Variants in KCNIP4 observed in about 807,000 individuals in gnomAD.
KCNIP4 encodes potassium voltage-gated channel interacting protein 4, also known as Kv channel-interacting protein 4.
In KCNIP4, 12 loss-of-function variants were observed where a neutral mutation model predicts 34.0. The ratio of observed to expected loss-of-function variants is 0.35; its 90% CI spans 0.23 to 0.57. The LOEUF is 0.57. Among genes scored for constraint, KCNIP4 ranks in the 20% least tolerant of loss-of-function variants. KCNIP4 has a pLI of 0.83. For synonymous variants in KCNIP4, 124 were observed against 102.2 expected (o/e 1.21, Z -1.29); for missense variants, 238 against 311.7 (o/e 0.76, Z 1.78).
At chr4:20,822,988 C>T (rs1717293031) in intron 3 of KCNIP4, among the ~76,000 whole-genome samples, 1 of 152,082 alleles carries the variant, frequency 6.6e-6, no homozygotes, top group African/African-American at 2.4e-5. Flanking sequence ...CAACAAGGTA[C>T]CTTCTTAAAA....
chr4:20,826,971 C>T (rs1325845991), intron 3 of KCNIP4, among the ~76,000 whole-genome samples: 1 of 152,190 alleles, frequency 6.6e-6, no homozygotes, highest in Non-Finnish European at 1.5e-5. Context: ...ACTTCTTCTT[C>T]CCCTGGAAGC....
chr4:21,816,357 A>C (rs1389895220), intron 1 of KCNIP4, among the ~76,000 whole-genome samples: 8 of 152,178 alleles, frequency 5.3e-5, no homozygotes, highest in Admixed American at 5.2e-4. Flanking sequence ...ACCAAGCTAT[A>C]ATATAACTCA....
At chr4:21,269,405 TTTTA>T (rs1762006120) in intron 1 of KCNIP4, among the ~76,000 whole-genome samples, 1 of 152,126 alleles carries the variant, frequency 6.6e-6, no homozygotes, top group African/African-American at 2.4e-5. Flanking sequence ...TTTTATTTAT[TTTTA>T]TTTATTTATT....
intron 1 of KCNIP4, among the ~76,000 whole-genome samples, chr4:20,920,050 T>A (rs530466210): frequency 6.6e-6 from 1 of 152,342 alleles, no homozygotes; most frequent in African/African-American, 2.4e-5. Context: ...ATAAAAAATT[T>A]AAATTACAGT....
At chr4:20,740,907 G>C (rs1030047516) in intron 5 of KCNIP4, among the ~76,000 whole-genome samples, 12 of 151,864 alleles carry the variant, frequency 7.9e-5, no homozygotes, top group African/African-American at 2.4e-4. Context: ...CAAAAAAAAA[G>C]CAGGGGTTGC....
chr4:21,323,895 T>G (rs1714757911), intron 1 of KCNIP4, among the ~76,000 whole-genome samples: 1 of 152,060 alleles, frequency 6.6e-6, no homozygotes, highest in South Asian at 2.1e-4. Flanking sequence ...TTTCTCCATA[T>G]CCTTGCCAGC....
At position 20,850,454 on chromosome 4, in the gene KCNIP4, T is replaced by C. The variant is rs540271261; in HGVS notation, c.288+89A>G. On this transcript the variant is annotated intron_variant, in intron 3 of 8. Coordinates refer to ENST00000382152, the MANE Select transcript of KCNIP4 (RefSeq NM_025221.6). ...AAATATACATATGATGGGGCTCTCA[T>C]AGAATGGGATATTTTCCCCCTTTTC... 2.1e-4 allele frequency: 288 copies of C among 1,364,186 alleles called. 3 individuals carry two copies. In the South Asian group the frequency reaches 3.3e-3, roughly 15 times the overall value. The allele number at this position is 1,364,186 out of a possible 1,614,324, so 84.5% of individuals were successfully genotyped here. A position where few individuals can be genotyped will look rare whatever the true frequency, so the allele number is the denominator to read the frequency against.
At chr4:20,971,703 A>G (rs961231306) in intron 1 of KCNIP4, among the ~76,000 whole-genome samples, 2 of 152,220 alleles carry the variant, frequency 1.3e-5, no homozygotes, top group Non-Finnish European at 2.9e-5. Flanking sequence ...GCTGCTGCTG[A>G]TCAAGGTGAT....
chr4:21,465,751 C>T (rs556599270), intron 1 of KCNIP4, among the ~76,000 whole-genome samples: 8 of 152,272 alleles, frequency 5.3e-5, no homozygotes, highest in African/African-American at 1.9e-4. Flanking sequence ...GTACCTGACA[C>T]ATAGTGGGCA....
intron 1 of KCNIP4, among the ~76,000 whole-genome samples, chr4:21,662,677 G>A (rs900430042): frequency 6.6e-6 from 1 of 152,110 alleles, no homozygotes; most frequent in Non-Finnish European, 1.5e-5. Flanking sequence ...AGTTGTATGT[G>A]TTCACTCTTA....
At position 21,482,367 on chromosome 4, in the gene KCNIP4, G is replaced by T. The variant is rs531769296; in HGVS notation, c.61+466204C>A. 4.3e-3 allele frequency among the ~76,000 whole-genome samples: 650 copies of T among 152,236 alleles called. 5 individuals are homozygous for T. The highest frequency in any genetic ancestry group is 0.015 in the African/African-American group (617 of 41,558). On this transcript the variant is annotated intron_variant, in intron 1 of 8. Transcript: ENST00000382152. ...GATCCTGTCATTATGATATTAGCAG[G>T]TTATTTTGCTCGTTAGTTGATGCAG...
intron 1 of KCNIP4, among the ~76,000 whole-genome samples, chr4:21,048,566 G>C (rs1279976308): frequency 1.3e-5 from 2 of 152,136 alleles, no homozygotes; most frequent in African/African-American, 4.8e-5. Context: ...TATGGCTACA[G>C]ATTTTGTTGT....
chr4:21,219,387 G>A (rs1427496855), intron 1 of KCNIP4, among the ~76,000 whole-genome samples: 1 of 152,168 alleles, frequency 6.6e-6, no homozygotes, highest in Non-Finnish European at 1.5e-5. Flanking sequence ...GTGTGTGTTT[G>A]CCAAATAATG....
At chr4:21,331,748 T>G (rs1334475431) in intron 1 of KCNIP4, among the ~76,000 whole-genome samples, 1 of 152,104 alleles carries the variant, frequency 6.6e-6, no homozygotes, top group East Asian at 1.9e-4. Context: ...TCTATCATGA[T>G]TCAACTTAAA....
At chr4:20,731,280 C>T (rs1158285347) in intron 8 of KCNIP4, 1 of 504,540 alleles carries the variant, frequency 2.0e-6, no homozygotes, top group Non-Finnish European at 2.6e-6. Flanking sequence ...TGCTATGTTG[C>T]CCACATTGGA....
chr4:21,389,950 C>A (rs1722408166), intron 1 of KCNIP4, among the ~76,000 whole-genome samples: 1 of 149,278 alleles, frequency 6.7e-6, no homozygotes, highest in South Asian at 2.2e-4. Flanking sequence ...TCTCCACATC[C>A]TCTCCAGCAC....
intron 1 of KCNIP4, among the ~76,000 whole-genome samples, chr4:21,622,223 T>C (rs576645780): frequency 6.6e-6 from 1 of 152,308 alleles, no homozygotes; most frequent in South Asian, 2.1e-4. Context: ...TAAAAACTGC[T>C]TGCTAAAGTC....
chr4:21,061,964 G>A (rs985413012), intron 1 of KCNIP4, among the ~76,000 whole-genome samples: 1 of 152,130 alleles, frequency 6.6e-6, no homozygotes, highest in Non-Finnish European at 1.5e-5. Flanking sequence ...CAAAGAGAGA[G>A]CCCTCAGAAG....
At chr4:21,531,959 A>G (rs1736717950) in intron 1 of KCNIP4, among the ~76,000 whole-genome samples, 2 of 152,086 alleles carry the variant, frequency 1.3e-5, no homozygotes, top group African/African-American at 4.8e-5. Flanking sequence ...TAATTATATG[A>G]AGTAAGTTAG....
Sources: allele counts gnomAD v4.1 joint callset (sites outside exome capture counted in the v4.1 genomes callset), GRCh38; gene constraint gnomAD v4.1.1; transcripts MANE v1.5; gene names NCBI Gene and HGNC (gene_info 2026-07-23, HGNC 2026-07-21).